The following PPP1R16B variants were observed in gnomAD, a reference collection of about 807,000 sequenced individuals.
PPP1R16B encodes protein phosphatase 1 regulatory inhibitor subunit 16B.
Under a neutral mutation model 61.7 loss-of-function variants are expected in PPP1R16B, and 14 were observed. That is an observed-to-expected ratio of 0.23 (90% confidence interval 0.15 to 0.35). The LOEUF (loss-of-function observed/expected upper bound fraction) is 0.35. Among genes scored for constraint, PPP1R16B ranks in the 10% least tolerant of loss-of-function variants. The pLI, the probability that PPP1R16B is intolerant of heterozygous loss-of-function variation, is 1.00. For synonymous variants in PPP1R16B, 266 were observed against 305.3 expected, an observed-to-expected ratio of 0.87 and a Z score of 1.34; for missense variants, 547 against 752.5, an observed-to-expected ratio of 0.73 and a Z score of 3.19.
chr20:38,852,049 G>C (rs961862610), intron 2 of PPP1R16B, among the ~76,000 whole-genome samples: 6 of 152,130 alleles, frequency 3.9e-5, no homozygotes, highest in Non-Finnish European at 8.8e-5. Flanking sequence ...GGACGGCGGG[G>C]GGGGAAGGCC....
Position 38,836,054 on chromosome 20 carries a change from C to T in PPP1R16B, c.129C>T (p.Asp43=). 1 of 1,610,386 alleles carries T rather than the reference C, an allele frequency of 6.2e-7. No individual in the cohort carries two copies. Among genetic ancestry groups the T allele is most frequent in the Non-Finnish European group, 8.5e-7 (1 of 1,179,008 alleles). The stretch of plus-strand genomic sequence containing the variant: ...AGAAATGGGCACAGTACGAGCAGGA[C>T]TTGCAGCACCGCAAGCGAAAGCATG... ...QLKKWAQYEQ[D]LQHRKRKHER... The change falls in exon 2 of 11, where the codon GAC becomes GAT. Residue 43 remains aspartate, a synonymous_variant. Coordinates refer to ENST00000299824, the MANE Select transcript of PPP1R16B (RefSeq NM_015568.4).
intron 2 of PPP1R16B, among the ~76,000 whole-genome samples, chr20:38,840,841 T>G (rs1459012222): frequency 1.3e-5 from 2 of 152,192 alleles, no homozygotes; most frequent in Admixed American, 1.3e-4. Flanking sequence ...TCGGTAAAAA[T>G]GAGGATGATG....
chr20:38,881,289 G>C (rs939278755), intron 2 of PPP1R16B, among the ~76,000 whole-genome samples: 1 of 152,226 alleles, frequency 6.6e-6, no homozygotes, highest in Non-Finnish European at 1.5e-5. Flanking sequence ...AGTGGTGGGT[G>C]GAAAGGTTTC....
intron 1 of PPP1R16B, among the ~76,000 whole-genome samples, chr20:38,830,883 G>A (rs1040750464): frequency 1.2e-4 from 18 of 152,182 alleles, no homozygotes; most frequent in African/African-American, 4.3e-4. Flanking sequence ...ATAAAGTGCT[G>A]TAACAGCGCA....
In PPP1R16B at chr20:38,919,540, T is replaced by C. The variant is rs189094669; in HGVS notation, c.*874T>C. 11 of 152,332 alleles carry C rather than the reference T, an allele frequency of 7.2e-5. No individual in the cohort carries two copies. The highest frequency in any genetic ancestry group is 7.2e-4 in the Admixed American group (11 of 15,300). The allele number at this position is 152,332 out of a possible 1,614,324, so 9.4% of individuals were successfully genotyped here. ...TATCTGATTTTAAAAATTCCTTTAG[T>C]CTGTAAAACTCCTAGAGGGAGGGAG... is the stretch of plus-strand genomic sequence containing the variant. On this transcript the variant is annotated 3_prime_UTR_variant, in exon 11 of 11. Transcript: ENST00000299824.
chr20:38,881,532 TCA>T (rs1196712144), intron 2 of PPP1R16B, among the ~76,000 whole-genome samples: 3 of 152,120 alleles, frequency 2.0e-5, no homozygotes, highest in Non-Finnish European at 1.5e-5. Context: ...TGTGGCGACA[TCA>T]GGCAGGCCAC....
chr20:38,867,758 C>T (rs895089098), intron 2 of PPP1R16B, among the ~76,000 whole-genome samples: 9 of 151,936 alleles, frequency 5.9e-5, no homozygotes, highest in Admixed American at 2.0e-4. Flanking sequence ...CTGCAACCTC[C>T]GCCTCCTGGG....
At chr20:38,878,124 T>C (rs1262291861) in intron 2 of PPP1R16B, among the ~76,000 whole-genome samples, 1 of 152,214 alleles carries the variant, frequency 6.6e-6, no homozygotes, top group Non-Finnish European at 1.5e-5. Context: ...CTTTAATGAA[T>C]ACTGTGTTGA....
intron 1 of PPP1R16B, among the ~76,000 whole-genome samples, chr20:38,822,793 C>T (rs1269807337): frequency 6.6e-6 from 1 of 152,114 alleles, no homozygotes; most frequent in East Asian, 1.9e-4. Flanking sequence ...TTATTGTTGG[C>T]ATCAAGTATG....
Position 38,902,725 on chromosome 20 carries a change from C to T in PPP1R16B, c.629C>T (p.Ala210Val), listed in dbSNP as rs772118838. 3.4e-5 allele frequency: 55 copies of T among 1,614,210 alleles called. No homozygotes were observed. The Middle Eastern group carries it at 4.9e-4, about 15-fold the overall frequency. ...GTGGCTCCTGAGCAGCAGATGATTG[C>T]GGACATCCACTGCATGATCGCAGCG... ...MRVAPEQQMI[A>V]DIHCMIAAGQ... is the part of the protein sequence containing the mutation. Residue 210 changes from alanine to valine, a missense_variant, in exon 6 of 11, where the codon GCG becomes GTG. Coordinates refer to ENST00000299824, the MANE Select transcript of PPP1R16B (RefSeq NM_015568.4).
intron 2 of PPP1R16B, among the ~76,000 whole-genome samples, chr20:38,876,795 G>A (rs752617418): frequency 1.3e-5 from 2 of 152,202 alleles, no homozygotes; most frequent in Non-Finnish European, 2.9e-5. Flanking sequence ...CTATCATTCT[G>A]CGGAAGGTTT....
intron 10 of PPP1R16B, among the ~76,000 whole-genome samples, chr20:38,915,416 C>T (rs971356082): frequency 6.6e-6 from 1 of 152,172 alleles, no homozygotes; most frequent in African/African-American, 2.4e-5. Context: ...CTACTGTTTT[C>T]ATAAGTCTTG....
At chr20:38,842,028 C>T (rs929472824) in intron 2 of PPP1R16B, among the ~76,000 whole-genome samples, 3 of 152,200 alleles carry the variant, frequency 2.0e-5, no homozygotes, top group Non-Finnish European at 2.9e-5. Context: ...AAAATGGCTT[C>T]ACTGTGTGAA....
chr20:38,883,169 A>G lies in PPP1R16B; in HGVS notation c.251-6426A>G, dbSNP rs913488611. On this transcript the variant is annotated intron_variant, in intron 2 of 10. Coordinates refer to ENST00000299824, the MANE Select transcript of PPP1R16B (RefSeq NM_015568.4). ...GGTGGCAGCAGCTCAGCCCCAGGGCACCCCCCGGGGAGATGCAGCTTGCCC... is the reference window on the plus strand; with the variant it reads ...GGTGGCAGCAGCTCAGCCCCAGGGCGCCCCCCGGGGAGATGCAGCTTGCCC... Among the ~76,000 whole-genome samples, 3 of 152,116 alleles carry G rather than the reference A, an allele frequency of 2.0e-5. No homozygotes were observed. The South Asian group carries it at 6.3e-4, about 32-fold the overall frequency.
At chr20:38,817,924 G>A (rs1263547454) in intron 1 of PPP1R16B, among the ~76,000 whole-genome samples, 1 of 152,124 alleles carries the variant, frequency 6.6e-6, no homozygotes, top group Non-Finnish European at 1.5e-5. Flanking sequence ...GGCACCTGTA[G>A]TCCCAGCTGC....
chr20:38,855,977 GA>G (rs1404341134), intron 2 of PPP1R16B, among the ~76,000 whole-genome samples: 383 of 23,008 alleles, frequency 0.017, 55 homozygotes, highest in African/African-American at 0.02. Context: ...GAGAGAGAGA[GA>G]GAGAAGGAGG....
chr20:38,818,687 A>G (rs1426436398), intron 1 of PPP1R16B, among the ~76,000 whole-genome samples: 2 of 151,956 alleles, frequency 1.3e-5, no homozygotes, highest in Admixed American at 6.6e-5. Flanking sequence ...TAACTCCTGC[A>G]GTCAAGTGCT....
chr20:38,900,788 C>T (rs927153717), intron 5 of PPP1R16B, 104 bp downstream of exon 5: 16 of 802,542 alleles, frequency 2.0e-5, no homozygotes, highest in Admixed American at 1.2e-4. Context: ...CGGCCTGCCT[C>T]GTGCGCTGTG....
Position 38,845,244 on chromosome 20 carries a change from C to T in PPP1R16B, c.250+9069C>T, listed in dbSNP as rs561151101. Among the ~76,000 whole-genome samples the T allele has an allele frequency of 8.0e-5, 8 of 99,786 alleles. No homozygotes were observed. The East Asian group carries it at 1.2e-3, about 15-fold the overall frequency. The allele number at this position is 99,786 out of a possible 152,430, so 65.5% of individuals were successfully genotyped here. ...GTGAGCCCAGCTGTCTTCAGCCCTT[C>T]GGATCTACACACAAACAAGGAGTGA... is the stretch of plus-strand genomic sequence containing the variant. On this transcript the variant is annotated intron_variant, in intron 2 of 10. Transcript: ENST00000299824.
Sources: gnomAD v4.1 joint callset for allele counts (sites outside exome capture counted in the v4.1 genomes callset) on GRCh38, gnomAD v4.1.1 for gene constraint, MANE v1.5 for transcripts, NCBI Gene and HGNC (gene_info 2026-07-23, HGNC 2026-07-21) for gene names.